The following SGMS1 variants were observed in gnomAD, a reference collection of about 807,000 sequenced individuals.
SGMS1 encodes the protein sphingomyelin synthase 1.
A neutral mutation model predicts 46.2 loss-of-function variants in SGMS1; 13 were observed. That is an observed-to-expected ratio of 0.28 (90% CI 0.18 to 0.45). The LOEUF (loss-of-function observed/expected upper bound fraction) is 0.45, where lower values mean the gene tolerates loss of function less well. Among genes scored for constraint, SGMS1 ranks in the 20% least tolerant of loss-of-function variants. SGMS1 has a pLI of 1.00. For missense variants in SGMS1, 324 were observed against 519.9 expected (o/e 0.62, Z 3.66); for synonymous variants, 203 against 187.8 (o/e 1.08, Z -0.66).
At chr10:50,492,519 C>A (rs1247596526) in intron 3 of SGMS1, among the ~76,000 whole-genome samples, 1 of 152,076 alleles carries the variant, frequency 6.6e-6, no homozygotes, top group African/African-American at 2.4e-5. Context: ...ATAGTCAAAC[C>A]AAGAGCCAAA....
chr10:50,533,183 C>T (rs971370812), intron 2 of SGMS1, among the ~76,000 whole-genome samples: 1 of 152,100 alleles, frequency 6.6e-6, no homozygotes, highest in African/African-American at 2.4e-5. Context: ...CACTATTATA[C>T]AAGTATTGCA....
chr10:50,323,089 T>A (rs919054867), intron 8 of SGMS1, among the ~76,000 whole-genome samples: 1 of 152,232 alleles, frequency 6.6e-6, no homozygotes, highest in Admixed American at 6.5e-5. Flanking sequence ...GAAACATTTA[T>A]GGGAAGCCTA....
At chr10:50,457,758 TG>T (rs1324868860) in intron 5 of SGMS1, among the ~76,000 whole-genome samples, 1 of 152,246 alleles carries the variant, frequency 6.6e-6, no homozygotes, top group Non-Finnish European at 1.5e-5. Context: ...TTCTTTTTTA[TG>T]GCTGTAAATA....
intron 2 of SGMS1, among the ~76,000 whole-genome samples, chr10:50,535,220 G>A (rs536498785): frequency 9.6e-6 from 1 of 104,376 alleles, no homozygotes; most frequent in East Asian, 3.1e-4. Context: ...GAGAAAGTGA[G>A]AGTCCATCTC....
intron 2 of SGMS1, among the ~76,000 whole-genome samples, chr10:50,587,633 ATGTGTGTGTGTGTGTG>A (rs35240090): frequency 1.8e-4 from 25 of 138,264 alleles, no homozygotes; most frequent in Admixed American, 1.2e-3. Context: ...CAAAATATAT[ATGTGTGTGTGTGTGTG>A]TGTGTGTGTG....
intron 6 of SGMS1, among the ~76,000 whole-genome samples, chr10:50,376,970 T>G (rs1012051802): frequency 2.0e-5 from 3 of 152,170 alleles, no homozygotes; most frequent in Non-Finnish European, 4.4e-5. Context: ...AACATTAGAC[T>G]AAGAAAGGCA....
At chr10:50,323,715 A>T (rs1255967525) in intron 8 of SGMS1, among the ~76,000 whole-genome samples, 3 of 152,170 alleles carry the variant, frequency 2.0e-5, no homozygotes, top group African/African-American at 7.2e-5. Context: ...ATGTCATTAT[A>T]CCAGTGTAAA....
chr10:50,615,592 G>A (rs746010416), intron 1 of SGMS1, among the ~76,000 whole-genome samples: 16 of 152,206 alleles, frequency 1.1e-4, no homozygotes, highest in Non-Finnish European at 2.1e-4. Flanking sequence ...ATAAGACAGA[G>A]AGCTATTGCT....
At chr10:50,503,070 C>T (rs1837675542) in intron 3 of SGMS1, among the ~76,000 whole-genome samples, 1 of 152,188 alleles carries the variant, frequency 6.6e-6, no homozygotes, top group Non-Finnish European at 1.5e-5. Flanking sequence ...GGAAGAACCA[C>T]CTTAACTGAA....
Position 50,451,435 on chromosome 10 carries a change from T to C in SGMS1, c.-313+9238A>G, listed in dbSNP as rs528721971. Among the ~76,000 whole-genome samples, 8 of 152,364 alleles carry C rather than the reference T, an allele frequency of 5.3e-5. No individual in the cohort carries two copies. The East Asian group carries it at 1.5e-3, about 29-fold the overall frequency. On this transcript the variant is annotated intron_variant, in intron 5 of 10. Transcript: ENST00000361781. ...TCTGATCATTAAAACTTGAGCATTC[T>C]ACCAATTTAAATCAACATTTATTCC... is the stretch of plus-strand genomic sequence containing the variant.
chr10:50,519,798 T>C (rs1837842023), intron 3 of SGMS1, 33 bp downstream of exon 3: 2 of 152,302 alleles, frequency 1.3e-5, no homozygotes, highest in Admixed American at 6.5e-5. Context: ...CATGAGTTCT[T>C]TGAGAATGGG....
At chr10:50,412,493 C>T (rs1295675365) in intron 6 of SGMS1, among the ~76,000 whole-genome samples, 1 of 152,160 alleles carries the variant, frequency 6.6e-6, no homozygotes, top group East Asian at 1.9e-4. Context: ...ACATACAATG[C>T]CAATGGCTCT....
chr10:50,371,817 C>T (rs1030955151), intron 6 of SGMS1, among the ~76,000 whole-genome samples: 4 of 152,124 alleles, frequency 2.6e-5, no homozygotes, highest in East Asian at 1.9e-4. Flanking sequence ...CCTCTTGCTA[C>T]GTCATCCCAT....
At chr10:50,332,064 GTCCCT>G (rs905234293) in intron 7 of SGMS1, among the ~76,000 whole-genome samples, 4 of 152,156 alleles carry the variant, frequency 2.6e-5, no homozygotes, top group African/African-American at 7.2e-5. Flanking sequence ...AAACAGGTAT[GTCCCT>G]TAAAGCCCTC....
At chr10:50,558,807 C>T (rs895802043) in intron 2 of SGMS1, among the ~76,000 whole-genome samples, 1 of 152,144 alleles carries the variant, frequency 6.6e-6, no homozygotes, top group African/African-American at 2.4e-5. Context: ...TCATGATTTT[C>T]TTAATAACAT....
chr10:50,492,689 T>A (rs910877910), intron 3 of SGMS1, among the ~76,000 whole-genome samples: 2 of 152,214 alleles, frequency 1.3e-5, no homozygotes, highest in Admixed American at 1.3e-4. Context: ...TCTGTACTCA[T>A]GGATAGGAAG....
At chr10:50,414,178 T>C (rs576222960) in intron 6 of SGMS1, among the ~76,000 whole-genome samples, 24 of 152,284 alleles carry the variant, frequency 1.6e-4, no homozygotes, top group South Asian at 1.0e-3. Context: ...GGTAGAAGCA[T>C]TGCTTGAGTC....
intron 2 of SGMS1, among the ~76,000 whole-genome samples, chr10:50,586,103 AC>A (rs1838481575): frequency 6.6e-6 from 1 of 152,242 alleles, no homozygotes; most frequent in South Asian, 2.1e-4. Flanking sequence ...AATGAGCATG[AC>A]TTTTTGAATA....
At chr10:50,396,109 C>A (rs2133522356) in intron 6 of SGMS1, among the ~76,000 whole-genome samples, 1 of 152,250 alleles carries the variant, frequency 6.6e-6, no homozygotes, top group African/African-American at 2.4e-5. Flanking sequence ...AAAACGTTAA[C>A]AAAACCAGAA....
Sources: gnomAD v4.1 joint callset for allele counts (sites outside exome capture counted in the v4.1 genomes callset) on GRCh38, gnomAD v4.1.1 for gene constraint, MANE v1.5 for transcripts, NCBI Gene and HGNC (gene_info 2026-07-23, HGNC 2026-07-21) for gene names.